Variants in SYNPR observed in about 807,000 individuals in gnomAD.
SYNPR encodes synaptoporin.
A neutral mutation model predicts 32.9 loss-of-function variants in SYNPR; 23 were observed. That is an observed-to-expected ratio of 0.70 (90% CI 0.50 to 0.99). The LOEUF (loss-of-function observed/expected upper bound fraction) is 0.99. SYNPR is among the 50% of genes least tolerant of loss of function. SYNPR has a pLI of 0.00. For missense variants in SYNPR, 318 were observed against 349.3 expected (o/e 0.91, Z 0.71); for synonymous variants, 146 against 135.9 (o/e 1.07, Z -0.52).
chr3:63,358,988 T>C (rs9876045), intron 2 of SYNPR, among the ~76,000 whole-genome samples: 87,641 of 152,012 alleles, frequency 0.58, 26,518 homozygotes, highest in East Asian at 0.89. Context: ...AAAATTCTTA[T>C]AATACCAATT....
chr3:63,598,107 A>G (rs544097678), intron 4 of SYNPR, among the ~76,000 whole-genome samples: 72 of 152,340 alleles, frequency 4.7e-4, no homozygotes, highest in Middle Eastern at 3.4e-3. Flanking sequence ...TAACAAAGCC[A>G]TCAAGTAGCC....
At chr3:63,224,766 C>T (rs187226571), upstream of SYNPR, among the ~76,000 whole-genome samples, 4 of 152,176 alleles carry the variant, frequency 2.6e-5, no homozygotes, top group African/African-American at 9.6e-5. Flanking sequence ...GTGGCATGAA[C>T]CAGGTGTCTG....
chr3:63,443,226 A>G, intron 2 of SYNPR: 1 of 1,393,812 alleles, frequency 7.2e-7, no homozygotes, highest in Non-Finnish European at 9.3e-7. Flanking sequence ...GTCTAATAAT[A>G]TGACCGTTTT....
chr3:63,260,697 CA>C (rs2086430450), intron 2 of SYNPR, among the ~76,000 whole-genome samples: 1 of 151,970 alleles, frequency 6.6e-6, no homozygotes. Context: ...AAAGCAATGG[CA>C]ACAAAAGCCA....
At chr3:63,371,879 C>T (rs2087817018) in intron 2 of SYNPR, among the ~76,000 whole-genome samples, 1 of 152,152 alleles carries the variant, frequency 6.6e-6, no homozygotes, top group Non-Finnish European at 1.5e-5. Context: ...CCACCCTAAC[C>T]ACCCTCAGGA....
At chr3:63,494,480 TATATATACATATATATAC>T (rs1252211028) in intron 3 of SYNPR, among the ~76,000 whole-genome samples, 2 of 116,658 alleles carry the variant, frequency 1.7e-5, no homozygotes, top group East Asian at 2.8e-4. Flanking sequence ...CATATATACA[TATATATACATATATATAC>T]ATATATACAT....
intron 4 of SYNPR, among the ~76,000 whole-genome samples, chr3:63,573,978 T>C (rs979000433): frequency 1.8e-4 from 28 of 152,210 alleles, no homozygotes; most frequent in Non-Finnish European, 2.9e-4. Context: ...TCAGGGCTTC[T>C]TTTCCACCCT....
intron 2 of SYNPR, among the ~76,000 whole-genome samples, chr3:63,283,810 C>CTT (rs142282438): frequency 0.044 from 3,791 of 87,074 alleles, 80 homozygotes; most frequent in African/African-American, 0.08. Context: ...AGATAATTAC[C>CTT]TTTTTTTTTT....
intron 2 of SYNPR, among the ~76,000 whole-genome samples, chr3:63,399,902 G>T (rs989459126): frequency 2.6e-5 from 4 of 152,154 alleles, no homozygotes; most frequent in African/African-American, 4.8e-5. Flanking sequence ...ACCTTAAAAG[G>T]CTTCCCCATT....
intron 2 of SYNPR, among the ~76,000 whole-genome samples, chr3:63,397,890 A>G (rs2107096116): frequency 6.6e-6 from 1 of 152,356 alleles, no homozygotes; most frequent in East Asian, 1.9e-4. Flanking sequence ...TAAAGAAAAT[A>G]AAAAGTGACA....
rs1174800499 is a variant in SYNPR at position 63,287,256 on chromosome 3, G to A, written c.84+8514G>A. Among the ~76,000 whole-genome samples the A allele has an allele frequency of 4.6e-5, 7 of 152,200 alleles. No homozygotes were observed. The East Asian group carries it at 1.4e-3, about 29-fold the overall frequency. ...TTTCACATTTCTTGATGTTTTAGGG[G>A]CCTGGTGACGGTTTCTTGCTGTTCT... is the stretch of plus-strand genomic sequence containing the variant. On this transcript the variant is annotated intron_variant, in intron 2 of 5. Coordinates refer to ENST00000478300, the MANE Select transcript of SYNPR (RefSeq NM_001130003.2).
At chr3:63,329,853 C>T (rs1239807429) in intron 2 of SYNPR, among the ~76,000 whole-genome samples, 1 of 152,138 alleles carries the variant, frequency 6.6e-6, no homozygotes, top group Non-Finnish European at 1.5e-5. Context: ...CTGGGTTTTA[C>T]CCACAAAGGG....
intron 4 of SYNPR, among the ~76,000 whole-genome samples, chr3:63,576,721 C>A (rs1185219900): frequency 6.7e-6 from 1 of 150,058 alleles, no homozygotes; most frequent in Non-Finnish European, 1.5e-5. Flanking sequence ...AACCCAGGAG[C>A]TGGAGGTTGC....
intron 3 of SYNPR, among the ~76,000 whole-genome samples, chr3:63,528,172 T>C (rs1702050255): frequency 6.6e-6 from 1 of 152,208 alleles, no homozygotes; most frequent in African/African-American, 2.4e-5. Flanking sequence ...TCCCTCTTGA[T>C]CATCCCTCAT....
intron 1 of SYNPR, among the ~76,000 whole-genome samples, chr3:63,240,165 G>A (rs992423888): frequency 6.6e-6 from 1 of 152,044 alleles, no homozygotes; most frequent in African/African-American, 2.4e-5. Context: ...GACTTAACAT[G>A]CAAAGCAGTA....
At chr3:63,355,571 T>C (rs980989203) in intron 2 of SYNPR, among the ~76,000 whole-genome samples, 37 of 152,198 alleles carry the variant, frequency 2.4e-4, no homozygotes, top group Admixed American at 2.6e-4. Context: ...AAATCCCAAA[T>C]GACTCCTACC....
chr3:63,335,880 G>A (rs540507017), intron 2 of SYNPR, among the ~76,000 whole-genome samples: 38 of 144,852 alleles, frequency 2.6e-4, no homozygotes, highest in Non-Finnish European at 3.6e-4. Flanking sequence ...AGGTTCAAGC[G>A]ATTCTTCTGC....
chr3:63,258,479 C>T (rs1169844730), intron 2 of SYNPR, among the ~76,000 whole-genome samples: 1 of 152,134 alleles, frequency 6.6e-6, no homozygotes, highest in East Asian at 1.9e-4. Context: ...CTACTGGGTA[C>T]ATACCGAAAT....
chr3:63,402,057 C>T (rs539660613), intron 2 of SYNPR, among the ~76,000 whole-genome samples: 13 of 151,576 alleles, frequency 8.6e-5, no homozygotes, highest in African/African-American at 3.2e-4. Flanking sequence ...ATTTCATATA[C>T]TCAAGCCTAC....
Sources: allele counts gnomAD v4.1 joint callset (sites outside exome capture counted in the v4.1 genomes callset), GRCh38; gene constraint gnomAD v4.1.1; transcripts MANE v1.5; gene names NCBI Gene and HGNC (gene_info 2026-07-23, HGNC 2026-07-21).